TENM3: variants seen among roughly 807,000 people sequenced by gnomAD.
TENM3 encodes teneurin transmembrane protein 3.
TENM3 carries 63 observed loss-of-function variants against 255.1 expected under a neutral mutation model. The ratio of observed to expected loss-of-function variants is 0.25; its 90% CI spans 0.20 to 0.30. TENM3 has a LOEUF of 0.30. TENM3 is among the 10% of genes least tolerant of loss of function. TENM3 has a pLI of 1.00. For synonymous variants in TENM3, 1,306 were observed against 1,322.3 expected, an observed-to-expected ratio of 0.99 and a Z score of 0.27; for missense variants, 2,929 against 3,461.1, an observed-to-expected ratio of 0.85 and a Z score of 3.86.
At chr4:182,676,126 C>A (rs901076425) in intron 7 of TENM3, among the ~76,000 whole-genome samples, 1 of 152,130 alleles carries the variant, frequency 6.6e-6, no homozygotes, top group African/African-American at 2.4e-5. Flanking sequence ...ATAAATCAAC[C>A]TGAAATAATT....
the TENM3 span, among the ~76,000 whole-genome samples, chr4:181,447,910 A>G: frequency 6.6e-6 from 1 of 151,818 alleles, no homozygotes; most frequent in East Asian, 1.9e-4. Context: ...CTCTCTTTAT[A>G]CCTTTTCTGC....
chr4:182,376,752 G>A (rs886933945), intron 3 of TENM3, among the ~76,000 whole-genome samples: 1 of 151,970 alleles, frequency 6.6e-6, no homozygotes, highest in African/African-American at 2.4e-5. Flanking sequence ...CTGAATTGGG[G>A]TTGTTTCTGG....
At chr4:182,238,380 C>T (rs1324565384) in intron 1 of TENM3, among the ~76,000 whole-genome samples, 1 of 152,228 alleles carries the variant, frequency 6.6e-6, no homozygotes, top group Admixed American at 6.5e-5. Context: ...AGAACGTTTT[C>T]CCCCATGGCT....
intron 11 of TENM3, among the ~76,000 whole-genome samples, chr4:182,685,298 G>A (rs780061183): frequency 4.6e-4 from 70 of 151,902 alleles, no homozygotes; most frequent in Non-Finnish European, 9.0e-4. Flanking sequence ...TGGATAGCTT[G>A]AAGAACCAGA....
At chr4:182,760,319 C>T (rs1447069106) in intron 22 of TENM3, among the ~76,000 whole-genome samples, 1 of 152,168 alleles carries the variant, frequency 6.6e-6, no homozygotes, top group Non-Finnish European at 1.5e-5. Context: ...AAAGAAACCG[C>T]GGTTCTTACA....
At chr4:181,648,827 C>T in the TENM3 span, among the ~76,000 whole-genome samples, 1 of 152,166 alleles carries the variant, frequency 6.6e-6, no homozygotes, top group Non-Finnish European at 1.5e-5. Context: ...GACCACCCAT[C>T]AGATGGAAAT....
the TENM3 span, among the ~76,000 whole-genome samples, chr4:181,940,335 T>C: frequency 6.6e-6 from 1 of 152,158 alleles, no homozygotes; most frequent in Non-Finnish European, 1.5e-5. Context: ...AAAATACAGA[T>C]GTCCTCTAAA....
chr4:182,668,163 C>T lies in TENM3; in HGVS notation c.1112-4842C>T, dbSNP rs75149163. ...TTAAGCAGGGAAAGTCGCTGAAGCC[C>T]TACCTTGGGTTTATGGTGTCTTCAA... is the stretch of plus-strand genomic sequence containing the variant. On this transcript the variant is annotated intron_variant, in intron 6 of 27. Coordinates refer to ENST00000511685, the MANE Select transcript of TENM3 (RefSeq NM_001080477.4). 9.5e-3 allele frequency among the ~76,000 whole-genome samples: 1,450 copies of T among 152,146 alleles called. 23 individuals carry two copies. Among genetic ancestry groups the T allele is most frequent in the African/African-American group, 0.032 (1,341 of 41,520 alleles).
At chr4:182,737,423 AT>A (rs1457874762) in intron 17 of TENM3, among the ~76,000 whole-genome samples, 1 of 151,404 alleles carries the variant, frequency 6.6e-6, no homozygotes, top group Non-Finnish European at 1.5e-5. Context: ...ACCTCCCTGG[AT>A]TTCCTTATTT....
intron 5 of TENM3, among the ~76,000 whole-genome samples, chr4:182,653,563 G>T (rs2152516043): frequency 6.6e-6 from 1 of 152,284 alleles, no homozygotes; most frequent in East Asian, 1.9e-4. Context: ...CACTATTGAA[G>T]TGCCACCATA....
the TENM3 span, among the ~76,000 whole-genome samples, chr4:182,060,047 T>C: frequency 6.6e-6 from 1 of 152,090 alleles, no homozygotes. Context: ...GTTTGAGACC[T>C]GAGCAACACA....
chr4:182,172,439 G>A (rs1361335477), intron 1 of TENM3, among the ~76,000 whole-genome samples: 1 of 152,138 alleles, frequency 6.6e-6, no homozygotes, highest in Non-Finnish European at 1.5e-5. Context: ...TTTCTGAGTA[G>A]CTACCATGTA....
intron 1 of TENM3, among the ~76,000 whole-genome samples, chr4:182,277,391 T>C (rs1760077311): frequency 1.3e-5 from 2 of 152,156 alleles, no homozygotes; most frequent in African/African-American, 4.8e-5. Context: ...TGTCTTCTTT[T>C]CCATCTGTTT....
intron 14 of TENM3, among the ~76,000 whole-genome samples, chr4:182,729,659 G>A (rs1406355847): frequency 6.6e-6 from 1 of 152,194 alleles, no homozygotes; most frequent in African/African-American, 2.4e-5. Flanking sequence ...GTAAGTGAAA[G>A]CAGGTGTCTT....
the TENM3 span, among the ~76,000 whole-genome samples, chr4:181,895,850 G>T: frequency 6.6e-6 from 1 of 151,908 alleles, no homozygotes. Flanking sequence ...CAGCCTGATT[G>T]TATTCTCTAT....
intron 3 of TENM3, among the ~76,000 whole-genome samples, chr4:182,392,158 G>C (rs1485218561): frequency 6.6e-6 from 1 of 152,088 alleles, no homozygotes; most frequent in Non-Finnish European, 1.5e-5. Flanking sequence ...TTTCATATAA[G>C]GCTGTGGGAT....
chr4:182,397,398 TAAAAAAAAA>T (rs144177808), intron 3 of TENM3, among the ~76,000 whole-genome samples: 10 of 48,978 alleles, frequency 2.0e-4, no homozygotes, highest in East Asian at 1.6e-3. Context: ...AGACTCCATC[TAAAAAAAAA>T]AAAAAAAAAA....
At chr4:182,644,101 C>T (rs1048690672) in intron 5 of TENM3, among the ~76,000 whole-genome samples, 10 of 152,150 alleles carry the variant, frequency 6.6e-5, no homozygotes, top group Non-Finnish European at 1.2e-4. Context: ...TGGCACACAC[C>T]ACCTTCAGGT....
intron 4 of TENM3, among the ~76,000 whole-genome samples, chr4:182,619,360 G>A (rs1010963468): frequency 1.3e-5 from 2 of 151,966 alleles, no homozygotes; most frequent in Non-Finnish European, 2.9e-5. Flanking sequence ...GAACCTGGGA[G>A]GCAGTGGTTG....
Sources: allele counts gnomAD v4.1 joint callset (sites outside exome capture counted in the v4.1 genomes callset), GRCh38; gene constraint gnomAD v4.1.1; transcripts MANE v1.5; gene names NCBI Gene and HGNC (gene_info 2026-07-23, HGNC 2026-07-21).